The following NAXD variants were observed in gnomAD, a reference collection of about 807,000 sequenced individuals.
NAXD encodes NAD(P)HX dehydratase, also known as ATP-dependent (S)-NAD(P)H-hydrate dehydratase.
NAXD carries 22 observed loss-of-function variants against 35.8 expected under a neutral mutation model. The observed-to-expected ratio is 0.62, with a 90% CI of 0.44 to 0.88. The LOEUF is 0.88. NAXD is among the 40% of genes least tolerant of loss of function. NAXD has a pLI of 0.00. For synonymous variants in NAXD, 189 were observed against 177.6 expected (o/e 1.06, Z -0.51); for missense variants, 428 against 437.7 (o/e 0.98, Z 0.20).
intron 5 of NAXD, among the ~76,000 whole-genome samples, chr13:110,633,757 AG>A (rs1886812262): frequency 1.4e-5 from 2 of 139,162 alleles, no homozygotes; most frequent in South Asian, 4.6e-4. Flanking sequence ...CTATACATGT[AG>A]TTTTTTTTTT....
rs1405882165 is a variant in NAXD at position 110,622,263 on chromosome 13, A to G, written c.94A>G (p.Met32Val). ...SLRKAHSIKD[M>V]ENTLQLVRNI... ...ACGTAAAGCACATTCGATAAAGGAT[A>G]TGGAAAATACTTTGCAGCTGGTGAG... is the stretch of plus-strand genomic sequence containing the variant. The change falls in exon 2 of 10, where the codon ATG (methionine) becomes GTG (valine). Residue 32 changes from methionine to valine, a missense_variant. Transcript: ENST00000680254. 2 of 1,614,060 alleles carry G rather than the reference A, an allele frequency of 1.2e-6. No individual in the cohort carries two copies. Among genetic ancestry groups the G allele is most frequent in the East Asian group, 2.2e-5 (1 of 44,884 alleles).
At chr13:110,632,873 AGACACAGGGTGCTGATTGGTGTG>A in intron 5 of NAXD, among the ~76,000 whole-genome samples, 1 of 150,978 alleles carries the variant, frequency 6.6e-6, no homozygotes, top group Non-Finnish European at 1.5e-5. Flanking sequence ...ACCCTGAGCT[AGACACAGGGTGCTGATTGGTGTG>A]TTTACAATCC....
intron 4 of NAXD, among the ~76,000 whole-genome samples, chr13:110,626,554 G>A (rs371509867): frequency 1.3e-5 from 2 of 151,918 alleles, no homozygotes; most frequent in South Asian, 2.1e-4. Flanking sequence ...AGAGGCGGAG[G>A]GGGGCTGGGG....
intron 1 of NAXD, among the ~76,000 whole-genome samples, chr13:110,620,968 C>T (rs1031215940): frequency 1.3e-5 from 2 of 152,284 alleles, no homozygotes; most frequent in African/African-American, 4.8e-5. Context: ...CTCTCATAGC[C>T]GAGCTGTTTT....
intron 1 of NAXD, 108 bp downstream of exon 1, chr13:110,615,755 C>A: frequency 6.9e-7 from 1 of 1,441,406 alleles, no homozygotes; most frequent in South Asian, 1.4e-5. Context: ...TCGCGCTGTA[C>A]GGGCCGCCAC....
At chr13:110,630,187 C>G (rs1886651654) in intron 5 of NAXD, among the ~76,000 whole-genome samples, 1 of 152,086 alleles carries the variant, frequency 6.6e-6, no homozygotes, top group Admixed American at 6.6e-5. Context: ...CACCATCACA[C>G]CCAGCTAATT....
Position 110,639,439 on chromosome 13 carries a change from CGTG to C in NAXD, c.*914_*916del, listed in dbSNP as rs1378108239. On this transcript the variant is annotated 3_prime_UTR_variant, in exon 10 of 10. Coordinates refer to ENST00000680254, the MANE Select transcript of NAXD (RefSeq NM_001242882.2). ...AAGGAGACCCGGGGAAAGACAGTATCGTGGTCACGTATGCTTAGGAAGCAGCAC... is the reference window on the plus strand; with the variant it reads ...AAGGAGACCCGGGGAAAGACAGTATCGTCACGTATGCTTAGGAAGCAGCAC... 1 of 152,460 alleles carries C rather than the reference CGTG, an allele frequency of 6.6e-6. No individual in the cohort carries two copies. Among genetic ancestry groups the C allele is most frequent in the African/African-American group, 2.4e-5 (1 of 41,434 alleles). 9.4% of individuals were successfully genotyped at this position (152,460 alleles called of 1,614,324 possible). A position where few individuals can be genotyped will look rare whatever the true frequency, so the allele number is the denominator to read the frequency against.
rs1297791266 is a variant in NAXD, at chr13:110,638,555, C to A, written c.*27C>A. 2 of 1,610,298 alleles carry A rather than the reference C, an allele frequency of 1.2e-6. No homozygotes were observed. The highest frequency in any genetic ancestry group is 1.1e-5 in the South Asian group (1 of 91,006). On this transcript the variant is annotated 3_prime_UTR_variant, in exon 10 of 10. Transcript: ENST00000680254. This position sits in a 1 kb window ranked among gnomAD's most constrained non-coding sequence, Gnocchi z 5.4. ...CCCGCGCAGACCAGAAGTAAACAGG[C>A]ACCTTGGACGGGGGAGAGCGTGTGT...
intron 5 of NAXD, among the ~76,000 whole-genome samples, chr13:110,631,440 C>T (rs1304908698): frequency 6.6e-6 from 1 of 152,180 alleles, no homozygotes; most frequent in African/African-American, 2.4e-5. Flanking sequence ...GAGATGCCCC[C>T]AGATTTCTCC....
intron 2 of NAXD, among the ~76,000 whole-genome samples, chr13:110,623,007 G>A (rs1209136284): frequency 1.3e-5 from 2 of 152,130 alleles, no homozygotes; most frequent in African/African-American, 4.8e-5. Flanking sequence ...CATTTTACAT[G>A]CTGGTGACGC....
At chr13:110,635,256 G>A (rs952123584) in intron 7 of NAXD, among the ~76,000 whole-genome samples, 2 of 152,198 alleles carry the variant, frequency 1.3e-5, no homozygotes, top group Non-Finnish European at 2.9e-5. Flanking sequence ...TAGAGGATGG[G>A]CACTGGAGCA....
At chr13:110,624,185 T>TTAC in intron 2 of NAXD, 49 bp from the exon 3 acceptor site, 1 of 1,082,764 alleles carries the variant, frequency 9.2e-7, no homozygotes, top group South Asian at 1.3e-5. Context: ...GATCAAGGTA[T>TTAC]GCTTACCTTA....
At chr13:110,635,423 CTG>C in intron 7 of NAXD, 43 bp from the exon 8 acceptor site, 1 of 1,602,420 alleles carries the variant, frequency 6.2e-7, no homozygotes, top group Non-Finnish European at 8.5e-7. Flanking sequence ...CGTCGTGTGT[CTG>C]AGGAAGACTT....
chr13:110,631,132 G>A (rs569533052), intron 5 of NAXD, among the ~76,000 whole-genome samples: 133 of 152,280 alleles, frequency 8.7e-4, no homozygotes, highest in Non-Finnish European at 1.4e-3. Flanking sequence ...TTGAACCCAC[G>A]TTGTCTGAAT....
intron 9 of NAXD, 51 bp downstream of exon 9, chr13:110,637,300 A>C (rs777545221): frequency 6.2e-7 from 1 of 1,608,490 alleles, no homozygotes; most frequent in South Asian, 1.1e-5. Flanking sequence ...GATTTTTCTA[A>C]GCTGTTTCAG....
At chr13:110,620,809 C>T (rs1036485994) in intron 1 of NAXD, among the ~76,000 whole-genome samples, 2 of 152,178 alleles carry the variant, frequency 1.3e-5, no homozygotes, top group African/African-American at 4.8e-5. Context: ...ACTTGTGACA[C>T]TGGTTTTTCT....
intron 4 of NAXD, among the ~76,000 whole-genome samples, chr13:110,626,742 C>T (rs1178565627): frequency 4.6e-5 from 7 of 152,112 alleles, no homozygotes; most frequent in African/African-American, 7.2e-5. Flanking sequence ...TCTCACAGTG[C>T]GGGGTGACCC....
At chr13:110,632,358 TTTA>T (rs767720684) in intron 5 of NAXD, among the ~76,000 whole-genome samples, 2 of 152,160 alleles carry the variant, frequency 1.3e-5, no homozygotes, top group Non-Finnish European at 2.9e-5. Context: ...AGTAGCAAGA[TTTA>T]TTGCAAAGAG....
At chr13:110,630,404 T>C (rs376657303) in intron 5 of NAXD, among the ~76,000 whole-genome samples, 1 of 152,180 alleles carries the variant, frequency 6.6e-6, no homozygotes, top group Non-Finnish European at 1.5e-5. Context: ...GCCTTTTTTT[T>C]ATTGACTTTT....
Sources: gnomAD v4.1 joint callset for allele counts (sites outside exome capture counted in the v4.1 genomes callset) on GRCh38, gnomAD v4.1.1 for gene constraint, Gnocchi (gnomAD v3.1) non-coding constraint, MANE v1.5 for transcripts, NCBI Gene and HGNC (gene_info 2026-07-23, HGNC 2026-07-21) for gene names.